Variants in ACYP2 observed in about 807,000 individuals in gnomAD.
The protein encoded by ACYP2 is acylphosphatase-2.
A neutral mutation model predicts 11.2 loss-of-function variants in ACYP2; 12 were observed. The observed-to-expected ratio is 1.08, with a 90% CI of 0.69 to 1.74. The LOEUF (loss-of-function observed/expected upper bound fraction) is 1.74, where lower values mean the gene tolerates loss of function less well. Ranked by LOEUF, ACYP2 falls within the 40% of genes most tolerant of loss-of-function variation. The pLI, the probability that ACYP2 is intolerant of heterozygous loss-of-function variation, is 0.00. For synonymous variants in ACYP2, 43 were observed against 32.2 expected (o/e 1.33, Z -1.13); for missense variants, 134 against 101.9 (o/e 1.31, Z -1.35).
At chr2:54,185,723 A>G (rs749182310) in intron 6 of ACYP2, among the ~76,000 whole-genome samples, 18 of 152,170 alleles carry the variant, frequency 1.2e-4, no homozygotes, top group Admixed American at 6.6e-5. Flanking sequence ...TGGAAAAATA[A>G]TAAATTCATT....
chr2:54,122,115 T>C (rs779449157), intron 4 of ACYP2, among the ~76,000 whole-genome samples: 5 of 152,244 alleles, frequency 3.3e-5, no homozygotes, highest in African/African-American at 4.8e-5. Context: ...AGGGCTGCTT[T>C]GTAAGGCAGC....
intron 2 of ACYP2, among the ~76,000 whole-genome samples, chr2:54,001,860 C>G (rs1672820053): frequency 6.6e-6 from 1 of 152,182 alleles, no homozygotes; most frequent in Admixed American, 6.6e-5. Context: ...TAGTTTAGAG[C>G]TGTTTTAGGT....
At chr2:54,272,738 G>T (rs946378916) in intron 6 of ACYP2, among the ~76,000 whole-genome samples, 3 of 152,178 alleles carry the variant, frequency 2.0e-5, no homozygotes, top group African/African-American at 7.2e-5. Flanking sequence ...TCCTTGAGTT[G>T]CTTATATTGC....
At chr2:54,112,119 G>T (rs2103719608) in intron 4 of ACYP2, among the ~76,000 whole-genome samples, 1 of 152,046 alleles carries the variant, frequency 6.6e-6, no homozygotes, top group East Asian at 1.9e-4. Context: ...TACAGATTCT[G>T]GTGCCTGGTC....
At chr2:54,095,380 G>C (rs372481893) in intron 4 of ACYP2, among the ~76,000 whole-genome samples, 14 of 152,348 alleles carry the variant, frequency 9.2e-5, no homozygotes, top group African/African-American at 2.6e-4. Context: ...ATCCTGGCCC[G>C]TTCTCAAGGA....
At chr2:54,229,089 C>T (rs980102804) in intron 6 of ACYP2, among the ~76,000 whole-genome samples, 6 of 152,002 alleles carry the variant, frequency 3.9e-5, no homozygotes, top group East Asian at 1.9e-4. Context: ...GCAAGGGCAC[C>T]GAGCCAGGTA....
intron 6 of ACYP2, chr2:54,142,554 C>T (rs548131861): frequency 6.6e-6 from 1 of 152,072 alleles, no homozygotes; most frequent in African/African-American, 2.4e-5. Flanking sequence ...GAGATCGTGT[C>T]TCTACAAAAA....
intron 2 of ACYP2, among the ~76,000 whole-genome samples, chr2:54,020,682 T>C (rs1573536982): frequency 1.3e-5 from 2 of 152,222 alleles, no homozygotes; most frequent in East Asian, 3.8e-4. Flanking sequence ...AGAATCCATA[T>C]GATCCACAAA....
chr2:54,026,430 T>C (rs949333874), intron 2 of ACYP2, among the ~76,000 whole-genome samples: 2 of 151,932 alleles, frequency 1.3e-5, no homozygotes, highest in Admixed American at 1.3e-4. Flanking sequence ...ATGAATGTGG[T>C]GAAAAGGGAA....
chr2:54,185,137 C>A (rs1364901730), intron 6 of ACYP2, among the ~76,000 whole-genome samples: 1 of 152,172 alleles, frequency 6.6e-6, no homozygotes, highest in African/African-American at 2.4e-5. Flanking sequence ...TATGCCAGGT[C>A]TATGGGTGCC....
chr2:53,998,886 T>C (rs574390957), intron 2 of ACYP2, among the ~76,000 whole-genome samples: 2 of 152,270 alleles, frequency 1.3e-5, no homozygotes, highest in African/African-American at 4.8e-5. Flanking sequence ...GATTCACGAA[T>C]CCAGGCTGTT....
At chr2:53,990,183 T>A (rs1293249953) in intron 2 of ACYP2, among the ~76,000 whole-genome samples, 1 of 151,902 alleles carries the variant, frequency 6.6e-6, no homozygotes, top group Non-Finnish European at 1.5e-5. Flanking sequence ...TTCACCATGT[T>A]GGTCAGGCTG....
intron 6 of ACYP2, among the ~76,000 whole-genome samples, chr2:54,269,991 C>T (rs1688211041): frequency 6.8e-6 from 1 of 147,044 alleles, no homozygotes; most frequent in South Asian, 2.1e-4. Flanking sequence ...TATAAATATC[C>T]TTCCAAGAAT....
intron 4 of ACYP2, among the ~76,000 whole-genome samples, chr2:54,099,895 T>C (rs754117332): frequency 6.6e-6 from 1 of 152,228 alleles, no homozygotes; most frequent in Non-Finnish European, 1.5e-5. Flanking sequence ...GTTATACTAA[T>C]GTACACTCCC....
chr2:54,177,575 T>TC (rs1683516217), intron 6 of ACYP2, among the ~76,000 whole-genome samples: 1 of 117,266 alleles, frequency 8.5e-6, no homozygotes, highest in African/African-American at 6.3e-5. Flanking sequence ...TGATACCTAC[T>TC]ATTTTTTTTT....
At chr2:54,156,268 A>T (rs1682425574) in intron 6 of ACYP2, among the ~76,000 whole-genome samples, 1 of 152,146 alleles carries the variant, frequency 6.6e-6, no homozygotes, top group Non-Finnish European at 1.5e-5. Context: ...ATATATATAT[A>T]TTTTATTTAA....
chr2:54,158,021 T>TTTA lies in ACYP2; in HGVS notation c.404+19288_404+19290dup, dbSNP rs202150500. ...AGTTGGCCTGCTTTTCTTTCTTTCT[T>TTTA]TTATTATTATTATTATTTTTTTGAG... On this transcript the variant is annotated intron_variant, in intron 6 of 6. Transcript: ENST00000607452. Among the ~76,000 whole-genome samples, 775 of 151,868 alleles carry TTTA rather than the reference T, an allele frequency of 5.1e-3. 12 individuals carry two copies. Among genetic ancestry groups the TTTA allele is most frequent in the African/African-American group, 0.017 (710 of 41,400 alleles).
chr2:54,217,185 A>G (rs550305971), intron 6 of ACYP2, among the ~76,000 whole-genome samples: 75 of 152,286 alleles, frequency 4.9e-4, no homozygotes, highest in Middle Eastern at 3.4e-3. Flanking sequence ...CTTATTCCCA[A>G]CTTCAGAGAG....
intron 2 of ACYP2, among the ~76,000 whole-genome samples, chr2:54,027,447 C>T (rs1674344794): frequency 2.0e-5 from 3 of 152,164 alleles, no homozygotes; most frequent in Admixed American, 6.5e-5. Context: ...TAATTCCTCC[C>T]AGTTTGTTAC....
Sources: allele counts gnomAD v4.1 joint callset (sites outside exome capture counted in the v4.1 genomes callset), GRCh38; gene constraint gnomAD v4.1.1; transcripts MANE v1.5; gene names NCBI Gene and HGNC (gene_info 2026-07-23, HGNC 2026-07-21).